IPO9: variants seen among roughly 807,000 people sequenced by gnomAD.
IPO9 encodes importin 9, also known as importin-9.
Under a neutral mutation model 128.6 loss-of-function variants are expected in IPO9, and 28 were observed. That is an observed-to-expected ratio of 0.22 (90% CI 0.16 to 0.30). IPO9 has a LOEUF of 0.30. Ranked by LOEUF, IPO9 falls within the 10% of genes least tolerant of loss-of-function variation. The probability of loss-of-function intolerance (pLI) is 1.00; values close to 1 mark genes in which losing one functional copy is unlikely to be tolerated. For missense variants in IPO9, 935 were observed against 1,293.9 expected (o/e 0.72, Z 4.26); for synonymous variants, 455 against 475.8 (o/e 0.96, Z 0.57).
At chr1:201,835,501 G>A (rs1679906152) in intron 1 of IPO9, among the ~76,000 whole-genome samples, 1 of 152,202 alleles carries the variant, frequency 6.6e-6, no homozygotes, top group Non-Finnish European at 1.5e-5. Context: ...GTATAATTAA[G>A]GAGAATCTAG....
intron 13 of IPO9, 71 bp downstream of exon 13, chr1:201,859,065 A>G: frequency 8.1e-6 from 12 of 1,481,822 alleles, no homozygotes; most frequent in Non-Finnish European, 1.0e-5. Flanking sequence ...AGGGATCAGC[A>G]TTAGGAGATA....
chr1:201,851,317 C>T (rs1393531267), intron 4 of IPO9, among the ~76,000 whole-genome samples: 1 of 151,918 alleles, frequency 6.6e-6, no homozygotes, highest in Non-Finnish European at 1.5e-5. Context: ...GTTCCCGGCC[C>T]ATATGTCCAT....
chr1:201,878,124 C>A lies in IPO9; in HGVS notation c.*2070C>A, dbSNP rs1051569129. The A allele has an allele frequency of 1.3e-5, 2 of 152,152 alleles. No individual in the cohort carries two copies. The highest frequency in any genetic ancestry group is 4.8e-5 in the African/African-American group (2 of 41,398). 9.4% of individuals were successfully genotyped at this position (152,152 alleles called of 1,614,324 possible). On this transcript the variant is annotated 3_prime_UTR_variant, in exon 24 of 24. Transcript: ENST00000361565. ...GCCTGCGGGCATGTTCACAGTCGTC[C>A]CATGCCAGCCAGGTTCTGAGGCTAA...
chr1:201,853,819 A>G (rs540641365), intron 6 of IPO9, among the ~76,000 whole-genome samples: 4 of 152,268 alleles, frequency 2.6e-5, no homozygotes, highest in South Asian at 4.1e-4. Context: ...GCTCACTGCA[A>G]CGTCCGCCTC....
At position 201,874,307 on chromosome 1, in the gene IPO9, A is replaced by G. The variant is rs776095603; in HGVS notation, c.2768A>G (p.Asn923Ser). ...LLVKILKLII[N>S]ELSNVMEANA... ...GTCAAGATCCTAAAGCTGATCATCA[A>G]CGAGCTCTCCAACGTCATGGAGGCT... is the stretch of plus-strand genomic sequence containing the variant. Residue 923 changes from asparagine (N) to serine (S), a missense_variant, in exon 21 of 24, where the codon AAC becomes AGC. This residue lies in a region of IPO9 where 188 missense variants were observed against 246.7 expected (regional missense o/e 0.76). Transcript: ENST00000361565. 7.4e-6 allele frequency: 12 copies of G among 1,613,986 alleles called. No homozygotes were observed. In the South Asian group the frequency reaches 1.3e-4, roughly 18 times the overall value.
chr1:201,834,089 A>G (rs1679882345), intron 1 of IPO9, among the ~76,000 whole-genome samples: 1 of 151,980 alleles, frequency 6.6e-6, no homozygotes, highest in African/African-American at 2.4e-5. Context: ...CATTTTTCTT[A>G]GGAGGATTGA....
At position 201,857,145 on chromosome 1, in the gene IPO9, A is replaced by T; in HGVS notation, c.1172A>T (p.Asp391Val). ...NPQQFVEDED[D>V]DTFSYTVRIA... is the part of the protein sequence containing the mutation. ...CAACAATTTGTAGAAGATGAAGATG[A>T]TGATACATTCTCCTATACTGTTAGA... Residue 391 changes from aspartate (D) to valine (V), a missense_variant, in exon 11 of 24, where the codon GAT (aspartate) becomes GTT (valine). Transcript: ENST00000361565. 1 of 1,613,532 alleles carries T rather than the reference A, an allele frequency of 6.2e-7. No individual in the cohort carries two copies. Among genetic ancestry groups the T allele is most frequent in the Non-Finnish European group, 8.5e-7 (1 of 1,179,410 alleles).
rs1229251321 is a variant in IPO9, at chr1:201,870,762, C to T, written c.2313C>T (p.Ile771=). The change falls in exon 18 of 24, where the codon ATC becomes ATT. Residue 771 remains isoleucine, a synonymous_variant. Transcript: ENST00000361565. The surrounding 1 kb of genome is among the most constrained non-coding windows in gnomAD (Gnocchi z 4.9). The stretch of plus-strand genomic sequence containing the variant: ...TGGGCCGCCTTGTTTCCACCCTCAT[C>T]TCCAAGGCAGGGCGGGAACTCGGGG... The part of the protein sequence containing the change: ...AFVGRLVSTL[I]SKAGRELGEN... 6.2e-7 allele frequency: 1 copy of T among 1,614,230 alleles called. No homozygotes were observed. Among genetic ancestry groups the T allele is most frequent in the East Asian group, 2.2e-5 (1 of 44,882 alleles).
intron 1 of IPO9, among the ~76,000 whole-genome samples, chr1:201,832,662 C>T (rs761562546): frequency 2.6e-5 from 4 of 152,122 alleles, no homozygotes. Flanking sequence ...TCCATGGGGC[C>T]CAGGATCAGG....
At chr1:201,861,026 C>T (rs1305491024) in intron 13 of IPO9, among the ~76,000 whole-genome samples, 1 of 152,076 alleles carries the variant, frequency 6.6e-6, no homozygotes, top group Non-Finnish European at 1.5e-5. Context: ...ATTAGCTGGG[C>T]GTGGTGGCAC....
intron 19 of IPO9, among the ~76,000 whole-genome samples, chr1:201,871,638 C>G (rs1000135102): frequency 6.6e-6 from 1 of 151,976 alleles, no homozygotes; most frequent in Admixed American, 6.6e-5. Context: ...AGTGATCCAC[C>G]CACTTCGGCC....
At chr1:201,857,262 A>G in intron 11 of IPO9, 68 bp downstream of exon 11, 4 of 1,062,986 alleles carry the variant, frequency 3.8e-6, no homozygotes, top group Non-Finnish European at 5.9e-6. Flanking sequence ...TCTTTTTTGT[A>G]GACAACTAAT....
chr1:201,874,012 C>T (rs908800470), intron 20 of IPO9, among the ~76,000 whole-genome samples: 1 of 152,194 alleles, frequency 6.6e-6, no homozygotes, highest in African/African-American at 2.4e-5. Flanking sequence ...TTATTACTAA[C>T]AAGACTGTAT....
Position 201,876,208 on chromosome 1 carries a change from C to G in IPO9, c.*154C>G, listed in dbSNP as rs1352888763. The stretch of plus-strand genomic sequence containing the variant: ...CAGTGACACTGATGACAATTCAGAC[C>G]AGGCTCACCGGTGCCGTCACTTAGG... On this transcript the variant is annotated 3_prime_UTR_variant, in exon 24 of 24. Coordinates refer to ENST00000361565, the MANE Select transcript of IPO9 (RefSeq NM_018085.5). The G allele has an allele frequency of 1.3e-6, 1 of 740,800 alleles. No individual in the cohort carries two copies. Among genetic ancestry groups the G allele is most frequent in the Non-Finnish European group, 2.5e-6 (1 of 397,626 alleles). The allele number at this position is 740,800 out of a possible 1,614,324, so 45.9% of individuals were successfully genotyped here. A position where few individuals can be genotyped will look rare whatever the true frequency, so the allele number is the denominator to read the frequency against.
At chr1:201,857,278 G>A (rs1680347205) in intron 11 of IPO9, 84 bp downstream of exon 11, 1 of 903,872 alleles carries the variant, frequency 1.1e-6, no homozygotes, top group South Asian at 1.4e-5. Flanking sequence ...CTAATCCAAG[G>A]TGAGCAGTGT....
chr1:201,867,953 C>G (rs528968079), intron 15 of IPO9, among the ~76,000 whole-genome samples: 5 of 152,252 alleles, frequency 3.3e-5, no homozygotes, highest in African/African-American at 1.2e-4. Context: ...ATGGGTATAT[C>G]ATAATTTACC....
At chr1:201,835,125 A>G (rs1208812812) in intron 1 of IPO9, 6 of 152,216 alleles carry the variant, frequency 3.9e-5, no homozygotes, top group Admixed American at 6.5e-5. Context: ...ACCAACTCCC[A>G]TGAGAAATAG....
Position 201,866,846 on chromosome 1 carries a change from A to G in IPO9, c.1742A>G (p.Asn581Ser), listed in dbSNP as rs1162863138. Residue 581 changes from asparagine (N) to serine (S), a missense_variant, in exon 15 of 24, where the codon AAC (asparagine) becomes AGC (serine). Physicochemically the swap from Asn to Ser is conservative, Grantham distance 46 (BLOSUM62 1). Coordinates refer to ENST00000361565, the MANE Select transcript of IPO9 (RefSeq NM_018085.5). ...LAAQFSSEVL[N>S]LVMETLCIVC... ...GCCCAGTTCAGCTCAGAGGTCCTCA[A>G]CCTGGTGATGGAGACCCTGTGCATC... is the stretch of plus-strand genomic sequence containing the variant. 1.2e-6 allele frequency: 2 copies of G among 1,614,182 alleles called. No homozygotes were observed. The highest frequency in any genetic ancestry group is 1.7e-5 in the Admixed American group (1 of 60,012).
intron 6 of IPO9, among the ~76,000 whole-genome samples, chr1:201,853,494 A>G (rs1041770022): frequency 2.6e-5 from 4 of 151,774 alleles, no homozygotes; most frequent in African/African-American, 4.8e-5. Flanking sequence ...CAGCCTCCCA[A>G]AGTGCTGGGG....
Sources: allele counts gnomAD v4.1 joint callset (sites outside exome capture counted in the v4.1 genomes callset), GRCh38; gene constraint gnomAD v4.1.1; regional missense constraint gnomAD v4.1.1; non-coding constraint Gnocchi (gnomAD v3.1); transcripts MANE v1.5; gene names NCBI Gene and HGNC (gene_info 2026-07-23, HGNC 2026-07-21).